The following PDXK variants were observed in gnomAD, a reference collection of about 807,000 sequenced individuals.
PDXK encodes epididymis secretory sperm binding protein Li 1a.
A neutral mutation model predicts 43.2 loss-of-function variants in PDXK; 15 were observed. That is an observed-to-expected ratio of 0.35 (90% CI 0.23 to 0.53). The LOEUF is 0.53. Ranked by LOEUF, PDXK falls within the 20% of genes least tolerant of loss-of-function variation. The pLI, the probability that PDXK is intolerant of heterozygous loss-of-function variation, is 0.92. For missense variants in PDXK, 343 were observed against 417.0 expected, an observed-to-expected ratio of 0.82 and a Z score of 1.54; for synonymous variants, 172 against 165.4, an observed-to-expected ratio of 1.04 and a Z score of -0.31.
Position 43,732,330 on chromosome 21 carries a change from G to C in PDXK, c.88-1739G>C, listed in dbSNP as rs188460496. The C allele has an allele frequency of 1.9e-6, 3 of 1,604,358 alleles. No individual in the cohort carries two copies. In the South Asian group the frequency reaches 3.3e-5, roughly 18 times the overall value. On this transcript the variant is annotated intron_variant, in intron 1 of 10. Transcript: ENST00000291565. The surrounding 1 kb of genome is among the most constrained non-coding windows in gnomAD (Gnocchi z 4.1). ...CCTGGACCTTGGCACCCCGCCCCCC[G>C]TGCATTGTCGTCTTCTGAGTCTGGC... is the stretch of plus-strand genomic sequence containing the variant.
chr21:43,757,202 A>G lies in PDXK; in HGVS notation c.*1139A>G, dbSNP rs1462120847. The G allele has an allele frequency of 6.6e-6, 1 of 152,532 alleles. No individual in the cohort carries two copies. The highest frequency in any genetic ancestry group is 1.5e-5 in the Non-Finnish European group (1 of 68,278). 9.4% of individuals were successfully genotyped at this position (152,532 alleles called of 1,614,324 possible). ...AGCACCAGCTCTGACAAGTCCTATC[A>G]TCCTCTGCTCAGCAGTGACCTCCCT... On this transcript the variant is annotated 3_prime_UTR_variant, in exon 11 of 11. Coordinates refer to ENST00000291565, the MANE Select transcript of PDXK (RefSeq NM_003681.5).
chr21:43,719,420 G>C (rs1404964683), intron 1 of PDXK, 39 bp downstream of exon 1: 1 of 1,492,674 alleles, frequency 6.7e-7, no homozygotes, highest in Non-Finnish European at 9.0e-7. Context: ...CGTAACCCGA[G>C]CCCGTGACCT....
Position 43,735,526 on chromosome 21 carries a change from G to C in PDXK, c.142+1403G>C, listed in dbSNP as rs1568977852. ...CTCTGGTCTGCCCTCAGGGGACTGG[G>C]ATGAGGACAGGACCCCAGGCGCTTG... On this transcript the variant is annotated intron_variant, in intron 2 of 10. Coordinates refer to ENST00000291565, the MANE Select transcript of PDXK (RefSeq NM_003681.5). The surrounding 1 kb of genome is among the most constrained non-coding windows in gnomAD (Gnocchi z 5.3). Among the ~76,000 whole-genome samples the C allele has an allele frequency of 6.6e-6, 1 of 152,156 alleles. No homozygotes were observed. The highest frequency in any genetic ancestry group is 1.5e-5 in the Non-Finnish European group (1 of 68,014).
chr21:43,741,861 G>A (rs746677412), intron 3 of PDXK, 90 bp downstream of exon 3: 1 of 818,030 alleles, frequency 1.2e-6, no homozygotes, highest in Non-Finnish European at 2.1e-6. Context: ...CCCGCCCTGG[G>A]CCTGTCTCGG....
At position 43,719,205 on chromosome 21, in the gene PDXK, G is replaced by GGAGCCCGAGCCCGAGCC; in HGVS notation, c.-84_-68dup. 1 of 643,580 alleles carries GGAGCCCGAGCCCGAGCC rather than the reference G, an allele frequency of 1.6e-6. No homozygotes were observed. 39.9% of individuals were successfully genotyped at this position (643,580 alleles called of 1,614,324 possible). On this transcript the variant is annotated 5_prime_UTR_variant, in exon 1 of 11. Coordinates refer to ENST00000291565, the MANE Select transcript of PDXK (RefSeq NM_003681.5). Reference sequence around the variant, plus strand: ...GTCGCAGCCGAGGGGAGCCGGGGCCGGAGCCCGAGCCCGAGCCGAGCCGGA... The same window carrying GGAGCCCGAGCCCGAGCC: ...GTCGCAGCCGAGGGGAGCCGGGGCCGGAGCCCGAGCCCGAGCCGAGCCCGAGCCCGAGCCGAGCCGGA...
rs183137366 is a variant in PDXK, at chr21:43,733,895, G to A, written c.88-174G>A. Among the ~76,000 whole-genome samples the A allele has an allele frequency of 2.1e-3, 314 of 152,356 alleles. 4 individuals are homozygous for A. The highest frequency in any genetic ancestry group is 7.0e-3 in the African/African-American group (290 of 41,594). On this transcript the variant is annotated intron_variant, in intron 1 of 10. Coordinates refer to ENST00000291565, the MANE Select transcript of PDXK (RefSeq NM_003681.5). The stretch of plus-strand genomic sequence containing the variant: ...AAGGCCCTGCCTGTGCACATGTCAT[G>A]TGTGACTCGGGGAGAGCCTCCTGCT...
intron 5 of PDXK, among the ~76,000 whole-genome samples, chr21:43,748,632 T>C (rs1372817311): frequency 6.6e-6 from 1 of 152,184 alleles, no homozygotes; most frequent in Non-Finnish European, 1.5e-5. Context: ...CCCCAAGCCC[T>C]CACCAGATGA....
At chr21:43,748,255 G>C (rs750902378) in intron 5 of PDXK, 2 of 152,234 alleles carry the variant, frequency 1.3e-5, no homozygotes, top group Non-Finnish European at 2.9e-5. Flanking sequence ...ACTTTGGGAG[G>C]CTGAGGCGGG....
chr21:43,720,350 G>A (rs1256336466), intron 1 of PDXK, among the ~76,000 whole-genome samples: 1 of 152,218 alleles, frequency 6.6e-6, no homozygotes. Context: ...ATGTAAAGAA[G>A]GGCCACCTGG....
At chr21:43,729,854 G>A (rs1458209772) in intron 1 of PDXK, among the ~76,000 whole-genome samples, 1 of 152,068 alleles carries the variant, frequency 6.6e-6, no homozygotes, top group African/African-American at 2.4e-5. Context: ...TAAGGCAGGA[G>A]AATCAATTGA....
intron 2 of PDXK, among the ~76,000 whole-genome samples, chr21:43,740,664 C>G (rs1422511919): frequency 1.3e-5 from 2 of 151,944 alleles, no homozygotes; most frequent in Non-Finnish European, 2.9e-5. Context: ...GCCGACGCGT[C>G]TGTCCTCACA....
At position 43,735,875 on chromosome 21, in the gene PDXK, G is replaced by A. The variant is rs550211459; in HGVS notation, c.142+1752G>A. Among the ~76,000 whole-genome samples the A allele has an allele frequency of 6.6e-6, 1 of 152,300 alleles. No homozygotes were observed. The highest frequency in any genetic ancestry group is 1.5e-5 in the Non-Finnish European group (1 of 68,010). ...CTCTCCCCTGCACCGGGGCCCTTCT[G>A]CCTGCTCCCCTTCCCTCGCCCCTGC... On this transcript the variant is annotated intron_variant, in intron 2 of 10. Transcript: ENST00000291565. The surrounding 1 kb of genome is among the most constrained non-coding windows in gnomAD (Gnocchi z 5.3).
intron 7 of PDXK, among the ~76,000 whole-genome samples, chr21:43,750,768 C>T (rs1056566152): frequency 3.5e-5 from 4 of 114,280 alleles, no homozygotes; most frequent in African/African-American, 3.7e-5. Flanking sequence ...CGTGTGTGCG[C>T]GCGTATTGTG....
chr21:43,719,279 C>T lies in PDXK; in HGVS notation c.-16C>T, dbSNP rs961065070. 1.4e-6 allele frequency: 2 copies of T among 1,426,750 alleles called. No homozygotes were observed. The highest frequency in any genetic ancestry group is 1.8e-6 in the Non-Finnish European group (2 of 1,082,114). 88.4% of individuals were successfully genotyped at this position (1,426,750 alleles called of 1,614,324 possible). On this transcript the variant is annotated 5_prime_UTR_variant, in exon 1 of 11. Coordinates refer to ENST00000291565, the MANE Select transcript of PDXK (RefSeq NM_003681.5). Reference sequence around the variant, plus strand: ...TGCCCCCGCCTCGGCCCCGCGCCGCCGCGGCCAGGCCCGGCATGGAGGAGG... The same window carrying T: ...TGCCCCCGCCTCGGCCCCGCGCCGCTGCGGCCAGGCCCGGCATGGAGGAGG...
intron 9 of PDXK, chr21:43,755,485 G>C (rs966415350): frequency 2.0e-5 from 12 of 585,982 alleles, no homozygotes; most frequent in African/African-American, 1.9e-4. Flanking sequence ...AGGTAGCTGG[G>C]ACCGGGCATC....
At chr21:43,722,666 TGGCCCCA>T (rs2083216281) in intron 1 of PDXK, among the ~76,000 whole-genome samples, 1 of 152,094 alleles carries the variant, frequency 6.6e-6, no homozygotes, top group African/African-American at 2.4e-5. Flanking sequence ...CAGCTCTCGG[TGGCCCCA>T]GGCTTCTGGG....
Position 43,732,067 on chromosome 21 carries a change from C to T in PDXK, c.88-2002C>T. On this transcript the variant is annotated intron_variant, in intron 1 of 10. Transcript: ENST00000291565. This position sits in a 1 kb window ranked among gnomAD's most constrained non-coding sequence, Gnocchi z 4.1. ...CTGCTATGGGAAGGGACGGTCACTA[C>T]CGCTGCCCCTGTGGGGAGAAGAGCC... is the stretch of plus-strand genomic sequence containing the variant. The T allele has an allele frequency of 1.1e-6, 1 of 947,016 alleles. No homozygotes were observed. The highest frequency in any genetic ancestry group is 1.3e-6 in the Non-Finnish European group (1 of 742,886). The allele number at this position is 947,016 out of a possible 1,614,324, so 58.7% of individuals were successfully genotyped here.
intron 6 of PDXK, 102 bp from the exon 7 acceptor site, chr21:43,750,398 A>G (rs1601829775): frequency 9.9e-7 from 1 of 1,014,440 alleles, no homozygotes. Flanking sequence ...GCCTGTGGGG[A>G]TGGGGATTTC....
Position 43,737,062 on chromosome 21 carries a change from G to A in PDXK, c.142+2939G>A, listed in dbSNP as rs2083416168. On this transcript the variant is annotated intron_variant, in intron 2 of 10. Transcript: ENST00000291565. The surrounding 1 kb of genome is among the most constrained non-coding windows in gnomAD (Gnocchi z 4.8). ...ATCTTTCTGCCTCCACCTCCCGAGT[G>A]GCTGGGACTATAGTTGTGCACCAGC... The A allele has an allele frequency of 2.9e-5, 22 of 749,752 alleles. No homozygotes were observed. The East Asian group carries it at 5.9e-4, about 20-fold the overall frequency. 46.4% of individuals were successfully genotyped at this position (749,752 alleles called of 1,614,324 possible). A position where few individuals can be genotyped will look rare whatever the true frequency, so the allele number is the denominator to read the frequency against.
Sources: allele counts gnomAD v4.1 joint callset (sites outside exome capture counted in the v4.1 genomes callset), GRCh38; gene constraint gnomAD v4.1.1; non-coding constraint Gnocchi (gnomAD v3.1); transcripts MANE v1.5; gene names NCBI Gene and HGNC (gene_info 2026-07-23, HGNC 2026-07-21).